AATF: variants seen among roughly 807,000 people sequenced by gnomAD.
The protein encoded by AATF is apoptosis antagonizing transcription factor.
A neutral mutation model predicts 63.7 loss-of-function variants in AATF; 48 were observed. The observed-to-expected ratio is 0.75, with a 90% CI of 0.60 to 0.96. The LOEUF is 0.96. AATF is among the 40% of genes least tolerant of loss of function. The pLI is 0.00. For synonymous variants in AATF, 258 were observed against 247.7 expected (o/e 1.04, Z -0.39); for missense variants, 639 against 685.7 (o/e 0.93, Z 0.76).
chr17:36,965,001 T>TCTG, intron 4 of AATF, among the ~76,000 whole-genome samples: 1 of 152,360 alleles, frequency 6.6e-6, no homozygotes, highest in East Asian at 1.9e-4. Context: ...GAGTAAGTTA[T>TCTG]CTGAGTTCTT....
intron 11 of AATF, among the ~76,000 whole-genome samples, chr17:37,044,576 A>G (rs936030345): frequency 1.3e-5 from 2 of 152,118 alleles, no homozygotes; most frequent in African/African-American, 2.4e-5. Flanking sequence ...CTCCTGCTAT[A>G]TACTATATAC....
intron 4 of AATF, among the ~76,000 whole-genome samples, chr17:36,968,995 T>G (rs767995100): frequency 1.5e-4 from 23 of 152,220 alleles, no homozygotes; most frequent in African/African-American, 4.6e-4. Context: ...TGTTGTTGTT[T>G]TTTTGCTTTC....
Position 36,989,285 on chromosome 17 carries a change from C to A in AATF, c.1188C>A (p.Ile396=). Residue 396 remains isoleucine, a synonymous_variant, in exon 7 of 12, where the codon ATC becomes ATA. Transcript: ENST00000619387. ...GAFERSILTQ[I]DHILMDKERL... is the part of the protein sequence containing the mutation. ...TTGAACGCTCAATCTTGACTCAGATCGACCATATTCTGATGGACAAAGAGA... is the reference window on the plus strand; with the variant it reads ...TTGAACGCTCAATCTTGACTCAGATAGACCATATTCTGATGGACAAAGAGA... The A allele has an allele frequency of 6.2e-7, 1 of 1,613,574 alleles. No homozygotes were observed.
intron 4 of AATF, among the ~76,000 whole-genome samples, chr17:36,982,667 G>A (rs1045492321): frequency 6.6e-6 from 1 of 151,674 alleles, no homozygotes; most frequent in African/African-American, 2.4e-5. Context: ...TTTTTTTGTT[G>A]TTTTTTTTGT....
intron 11 of AATF, chr17:37,054,893 A>G (rs965041923): frequency 1.3e-5 from 2 of 152,236 alleles, no homozygotes; most frequent in East Asian, 3.8e-4. Flanking sequence ...GGAAACAGCT[A>G]GAGAGACTTG....
chr17:37,056,798 C>A lies in AATF; in HGVS notation c.*134C>A. The A allele has an allele frequency of 1.1e-6, 1 of 941,422 alleles. No individual in the cohort carries two copies. The highest frequency in any genetic ancestry group is 2.5e-5 in the Admixed American group (1 of 40,000). 58.3% of individuals were successfully genotyped at this position (941,422 alleles called of 1,614,324 possible). On this transcript the variant is annotated 3_prime_UTR_variant, in exon 12 of 12. Coordinates refer to ENST00000619387, the MANE Select transcript of AATF (RefSeq NM_012138.4). ...AAGATGCTGCGTTCCGAACCTGTGC[C>A]TAATACACGCAAGGGCGCTGTCCCG...
chr17:36,985,910 A>AT (rs1311699842), intron 4 of AATF, among the ~76,000 whole-genome samples: 2 of 152,188 alleles, frequency 1.3e-5, no homozygotes, highest in Non-Finnish European at 2.9e-5. Context: ...GACCAGCTCT[A>AT]TTACATATGC....
At chr17:37,023,611 A>G (rs532557214) in intron 10 of AATF, among the ~76,000 whole-genome samples, 7 of 141,542 alleles carry the variant, frequency 4.9e-5, no homozygotes, top group Admixed American at 1.4e-4. Context: ...AAAAAGAGGC[A>G]TTCTTTTTAA....
chr17:37,023,172 T>C (rs1253360936), intron 10 of AATF, among the ~76,000 whole-genome samples: 1 of 152,180 alleles, frequency 6.6e-6, no homozygotes, highest in Non-Finnish European at 1.5e-5. Context: ...TGTTCTTTAT[T>C]CTCTGGGCCT....
At chr17:36,995,690 C>T (rs188655974) in intron 8 of AATF, among the ~76,000 whole-genome samples, 1 of 152,190 alleles carries the variant, frequency 6.6e-6, no homozygotes, top group African/African-American at 2.4e-5. Flanking sequence ...ACCTCAGCCT[C>T]CCAAGTAGCT....
chr17:37,049,498 G>A (rs972528794), intron 11 of AATF, among the ~76,000 whole-genome samples: 2 of 152,010 alleles, frequency 1.3e-5, no homozygotes, highest in African/African-American at 2.4e-5. Context: ...CCAGGTACTC[G>A]GGAAGCTGAG....
chr17:36,996,261 G>A (rs1291381376), intron 8 of AATF, among the ~76,000 whole-genome samples: 7 of 151,886 alleles, frequency 4.6e-5, no homozygotes, highest in Admixed American at 4.6e-4. Flanking sequence ...GCGAAACTCC[G>A]TCTCTACAAA....
At chr17:36,972,212 G>A (rs1274116640) in intron 4 of AATF, among the ~76,000 whole-genome samples, 1 of 152,034 alleles carries the variant, frequency 6.6e-6, no homozygotes, top group Non-Finnish European at 1.5e-5. Context: ...TATATCCTTG[G>A]TACTGAAACC....
At chr17:37,017,157 CT>C (rs1272190752) in intron 8 of AATF, among the ~76,000 whole-genome samples, 3 of 152,166 alleles carry the variant, frequency 2.0e-5, no homozygotes, top group Non-Finnish European at 2.9e-5. Context: ...TCCATGAGCA[CT>C]TGCACCCCGG....
intron 11 of AATF, among the ~76,000 whole-genome samples, chr17:37,049,498 G>C (rs972528794): frequency 6.6e-6 from 1 of 152,010 alleles, no homozygotes; most frequent in Non-Finnish European, 1.5e-5. Flanking sequence ...CCAGGTACTC[G>C]GGAAGCTGAG....
intron 11 of AATF, among the ~76,000 whole-genome samples, chr17:37,036,721 A>G (rs913587970): frequency 1.3e-5 from 2 of 151,916 alleles, no homozygotes; most frequent in African/African-American, 4.8e-5. Flanking sequence ...ATGCTTTCGG[A>G]TCTCCTTTGT....
chr17:36,958,032 G>T (rs2070916265), intron 4 of AATF, among the ~76,000 whole-genome samples: 1 of 152,200 alleles, frequency 6.6e-6, no homozygotes, highest in Non-Finnish European at 1.5e-5. Context: ...CTGTGGAAGT[G>T]ATTTCAAAGA....
chr17:36,993,798 G>T (rs1257839246), intron 8 of AATF, among the ~76,000 whole-genome samples: 1 of 152,108 alleles, frequency 6.6e-6, no homozygotes, highest in African/African-American at 2.4e-5. Flanking sequence ...ATGTTCCATT[G>T]TAAGGGTTTA....
chr17:36,980,758 T>C (rs2071116910), intron 4 of AATF, among the ~76,000 whole-genome samples: 1 of 152,218 alleles, frequency 6.6e-6, no homozygotes, highest in African/African-American at 2.4e-5. Flanking sequence ...AGCAAAGGAT[T>C]GTCCCATTGT....
Sources: allele counts gnomAD v4.1 joint callset (sites outside exome capture counted in the v4.1 genomes callset), GRCh38; gene constraint gnomAD v4.1.1; transcripts MANE v1.5; gene names NCBI Gene and HGNC (gene_info 2026-07-23, HGNC 2026-07-21).